Variants in DLG2 observed in about 807,000 individuals in gnomAD.
The protein encoded by DLG2 is disks large homolog 2.
DLG2 carries 45 observed loss-of-function variants against 132.5 expected under a neutral mutation model. The ratio of observed to expected loss-of-function variants is 0.34; its 90% CI spans 0.27 to 0.44. The LOEUF (loss-of-function observed/expected upper bound fraction) is 0.44. Ranked by LOEUF, DLG2 falls within the 20% of genes least tolerant of loss-of-function variation. The probability of loss-of-function intolerance (pLI) is 1.00; values close to 1 mark genes in which losing one functional copy is unlikely to be tolerated. For synonymous variants in DLG2, 424 were observed against 419.6 expected (o/e 1.01, Z -0.13); for missense variants, 1,045 against 1,196.9 (o/e 0.87, Z 1.87).
chr11:83,917,577 A>G (rs12790823), intron 15 of DLG2, among the ~76,000 whole-genome samples: 11,451 of 152,278 alleles, frequency 0.075, 608 homozygotes, highest in Non-Finnish European at 0.11. Context: ...AACTATGTGC[A>G]TCACCATCCC....
At chr11:84,984,569 C>T (rs985315149) in intron 6 of DLG2, among the ~76,000 whole-genome samples, 7 of 140,324 alleles carry the variant, frequency 5.0e-5, no homozygotes, top group East Asian at 2.1e-4. Context: ...AACAAAAATA[C>T]AATTGAAAAA....
intron 6 of DLG2, among the ~76,000 whole-genome samples, chr11:84,571,052 A>T (rs1359426542): frequency 6.6e-6 from 1 of 152,126 alleles, no homozygotes; most frequent in Non-Finnish European, 1.5e-5. Flanking sequence ...GAACATCCAA[A>T]ATACCCTAGC....
At chr11:83,620,675 C>T (rs931498946) in intron 19 of DLG2, among the ~76,000 whole-genome samples, 2 of 151,470 alleles carry the variant, frequency 1.3e-5, no homozygotes, top group African/African-American at 2.4e-5. Flanking sequence ...TCGAGACCAT[C>T]CCGGCTAAAA....
At chr11:84,122,588 A>C (rs77159212) in intron 9 of DLG2, among the ~76,000 whole-genome samples, 6,904 of 152,144 alleles carry the variant, frequency 0.045, 514 homozygotes, top group African/African-American at 0.16. Context: ...AACAAACAAA[A>C]AAAAAAGTTG....
At chr11:83,494,901 A>G (rs1386354668) in intron 21 of DLG2, among the ~76,000 whole-genome samples, 1 of 152,206 alleles carries the variant, frequency 6.6e-6, no homozygotes, top group Admixed American at 6.5e-5. Flanking sequence ...AACCACATGA[A>G]GAACTAGAAT....
At chr11:85,378,796 A>G (rs2085638199) in intron 3 of DLG2, among the ~76,000 whole-genome samples, 1 of 152,186 alleles carries the variant, frequency 6.6e-6, no homozygotes. Flanking sequence ...AAACCAAATT[A>G]CAAGTTTATT....
At position 83,932,237 on chromosome 11, in the gene DLG2, A is replaced by AT. The variant is rs199866110; in HGVS notation, c.1341-1755dup. Among the ~76,000 whole-genome samples the AT allele has an allele frequency of 6.2e-3, 891 of 142,576 alleles. 2 individuals are homozygous for AT. The highest frequency in any genetic ancestry group is 9.7e-3 in the African/African-American group (382 of 39,208). The allele number at this position is 142,576 out of a possible 152,430, so 93.5% of individuals were successfully genotyped here. On this transcript the variant is annotated intron_variant, in intron 14 of 27. Transcript: ENST00000376104. ...ATAAAAATGGGGTTCACATTTGAAG[A>AT]TTTTTTTTTTTTTTTTAGACGTAAT...
At chr11:84,545,545 G>C (rs1275334904) in intron 6 of DLG2, 2 of 387,720 alleles carry the variant, frequency 5.2e-6, no homozygotes, top group Non-Finnish European at 1.0e-5. Context: ...TGCTTTGACA[G>C]GGATGAATTT....
intron 6 of DLG2, among the ~76,000 whole-genome samples, chr11:84,624,559 G>C (rs2099618996): frequency 6.6e-6 from 1 of 151,932 alleles, no homozygotes; most frequent in Non-Finnish European, 1.5e-5. Context: ...CTCAGGTACT[G>C]TATGAGGTCT....
In DLG2 at chr11:84,296,874, C is replaced by G. The variant is rs114029934; in HGVS notation, c.520-45583G>C. On this transcript the variant is annotated intron_variant, in intron 7 of 27. Transcript: ENST00000376104. Reference sequence around the variant, plus strand: ...CTTTTTAGCAACTTTCCAAAGGAATCTGGGATATACATCATCCACTGTATT... The same window carrying G: ...CTTTTTAGCAACTTTCCAAAGGAATGTGGGATATACATCATCCACTGTATT... Among the ~76,000 whole-genome samples the G allele has an allele frequency of 2.3e-3, 348 of 152,156 alleles. 1 individual carries two copies. The highest frequency in any genetic ancestry group is 7.9e-3 in the African/African-American group (330 of 41,526).
chr11:83,747,780 T>C (rs2093027350), intron 18 of DLG2, among the ~76,000 whole-genome samples: 3 of 151,932 alleles, frequency 2.0e-5, no homozygotes, highest in Admixed American at 6.6e-5. Context: ...TTTCTGTTTA[T>C]ATATATTATA....
chr11:84,089,993 A>C (rs1220428594), intron 10 of DLG2, among the ~76,000 whole-genome samples: 1 of 152,212 alleles, frequency 6.6e-6, no homozygotes, highest in African/African-American at 2.4e-5. Flanking sequence ...AGGACTTCAA[A>C]CTACACAGAG....
At chr11:85,244,983 T>A (rs78081506) in intron 4 of DLG2, among the ~76,000 whole-genome samples, 1,768 of 152,052 alleles carry the variant, frequency 0.012, 39 homozygotes, top group African/African-American at 0.041. Flanking sequence ...CAACATGGAA[T>A]CATAGACCAG....
At position 84,538,972 on chromosome 11, in the gene DLG2, A is replaced by T. The variant is rs895711070; in HGVS notation, c.358-4241T>A. ...AGCAGAATTTCTCTGCTTGTATTCAAATCTTTATTTCCTTTGGCTGAACAA... is the reference window on the plus strand; with the variant it reads ...AGCAGAATTTCTCTGCTTGTATTCATATCTTTATTTCCTTTGGCTGAACAA... On this transcript the variant is annotated intron_variant, in intron 6 of 27. Transcript: ENST00000376104. Among the ~76,000 whole-genome samples the T allele has an allele frequency of 7.9e-5, 12 of 152,272 alleles. No homozygotes were observed. The East Asian group carries it at 2.1e-3, about 27-fold the overall frequency.
rs1296426196 is a variant in DLG2 at position 85,007,685 on chromosome 11, A to G, written c.357+103976T>C. 1.1e-4 allele frequency among the ~76,000 whole-genome samples: 16 copies of G among 148,076 alleles called. No individual in the cohort carries two copies. In the South Asian group the frequency reaches 2.6e-3, roughly 24 times the overall value. On this transcript the variant is annotated intron_variant, in intron 6 of 27. Coordinates refer to ENST00000376104, the MANE Select transcript of DLG2 (RefSeq NM_001142699.3). ...GTCTCAAAAAAAAAAAAAAAAAAAA[A>G]AAAAAGAAAAGAAAAGAAAAAGAAA...
At chr11:83,540,396 T>A (rs1468044372) in intron 20 of DLG2, among the ~76,000 whole-genome samples, 1 of 152,134 alleles carries the variant, frequency 6.6e-6, no homozygotes, top group Non-Finnish European at 1.5e-5. Flanking sequence ...GCCAAGAGGC[T>A]TAAAGAAACC....
chr11:84,653,719 T>C (rs1352679183), intron 6 of DLG2, among the ~76,000 whole-genome samples: 1 of 152,172 alleles, frequency 6.6e-6, no homozygotes. Flanking sequence ...TCCTAACTTA[T>C]GGGATATTAC....
chr11:84,866,495 T>C (rs1204269004), intron 6 of DLG2, among the ~76,000 whole-genome samples: 1 of 152,160 alleles, frequency 6.6e-6, no homozygotes, highest in Non-Finnish European at 1.5e-5. Context: ...GTGTGAGATG[T>C]AGAATGGAAA....
At chr11:85,024,842 A>G (rs1049470664) in intron 6 of DLG2, among the ~76,000 whole-genome samples, 4 of 152,190 alleles carry the variant, frequency 2.6e-5, no homozygotes, top group African/African-American at 9.7e-5. Context: ...AGGTTTCTCA[A>G]AATGTCTGCA....
Sources: allele counts gnomAD v4.1 joint callset (sites outside exome capture counted in the v4.1 genomes callset), GRCh38; gene constraint gnomAD v4.1.1; transcripts MANE v1.5; gene names NCBI Gene and HGNC (gene_info 2026-07-23, HGNC 2026-07-21).